RGL1: variants seen among roughly 807,000 people sequenced by gnomAD.
RGL1 encodes the protein ral guanine nucleotide dissociation stimulator like 1.
In RGL1, 24 loss-of-function variants were observed where a neutral mutation model predicts 95.2. The observed-to-expected ratio is 0.25, with a 90% confidence interval of 0.18 to 0.35. The LOEUF (loss-of-function observed/expected upper bound fraction) is 0.35. RGL1 is among the 10% of genes least tolerant of loss of function. The probability of loss-of-function intolerance (pLI) is 1.00; values close to 1 mark genes in which losing one functional copy is unlikely to be tolerated. For missense variants in RGL1, 715 were observed against 936.3 expected (o/e 0.76, Z 3.08); for synonymous variants, 329 against 344.9 (o/e 0.95, Z 0.51).
At chr1:183,784,771 T>C (rs1381713882) in intron 2 of RGL1, among the ~76,000 whole-genome samples, 1 of 152,138 alleles carries the variant, frequency 6.6e-6, no homozygotes, top group Non-Finnish European at 1.5e-5. Flanking sequence ...AATATCTTAA[T>C]TGGAGCTGTA....
intron 5 of RGL1, 76 bp downstream of exon 5, chr1:183,880,876 T>C (rs1666788482): frequency 1.4e-6 from 2 of 1,380,906 alleles, no homozygotes; most frequent in Non-Finnish European, 2.0e-6. Context: ...AGGTTCTCCC[T>C]GTGCTGGCTA....
At chr1:183,826,083 T>TC (rs1204738665) in intron 2 of RGL1, among the ~76,000 whole-genome samples, 1 of 150,360 alleles carries the variant, frequency 6.7e-6, no homozygotes, top group Non-Finnish European at 1.5e-5. Context: ...AGACGGAGTC[T>TC]CACTCTGTTG....
chr1:183,746,070 A>T (rs1416380733), intron 2 of RGL1, among the ~76,000 whole-genome samples: 1 of 149,774 alleles, frequency 6.7e-6, no homozygotes, highest in Non-Finnish European at 1.5e-5. Flanking sequence ...ATAGTATTTG[A>T]TACCTACAAA....
intron 1 of RGL1, among the ~76,000 whole-genome samples, chr1:183,639,323 C>T (rs988147908): frequency 4.7e-5 from 7 of 149,894 alleles, no homozygotes; most frequent in East Asian, 1.9e-4. Flanking sequence ...AATCCTGCAA[C>T]GTGACATTAT....
intron 1 of RGL1, among the ~76,000 whole-genome samples, chr1:183,700,367 T>A (rs1402083803): frequency 6.6e-6 from 1 of 152,072 alleles, no homozygotes; most frequent in Non-Finnish European, 1.5e-5. Context: ...ATCATAAATA[T>A]GGGATCTCAC....
intron 1 of RGL1, among the ~76,000 whole-genome samples, chr1:183,732,766 T>C (rs918333044): frequency 1.3e-5 from 2 of 152,148 alleles, no homozygotes; most frequent in Non-Finnish European, 2.9e-5. Flanking sequence ...ATATTTGCAA[T>C]TTTAAAGAAA....
intron 2 of RGL1, among the ~76,000 whole-genome samples, chr1:183,782,951 C>T (rs1022964857): frequency 5.3e-5 from 8 of 152,178 alleles, no homozygotes; most frequent in African/African-American, 1.9e-4. Flanking sequence ...CCACCTTAAT[C>T]ATAAACAGAA....
Position 183,900,654 on chromosome 1 carries a change from A to G in RGL1, c.1317+418A>G, listed in dbSNP as rs1667962758. On this transcript the variant is annotated intron_variant, in intron 11 of 17. Coordinates refer to ENST00000360851, the MANE Select transcript of RGL1 (RefSeq NM_001297671.3). ...CAAGTAGCTGGGATTACAGGCGTGCACCACCACGCCCAGCTAATTTTTTGT... is the reference window on the plus strand; with the variant it reads ...CAAGTAGCTGGGATTACAGGCGTGCGCCACCACGCCCAGCTAATTTTTTGT... Among the ~76,000 whole-genome samples the G allele has an allele frequency of 2.6e-5, 4 of 151,952 alleles. No homozygotes were observed. The South Asian group carries it at 8.3e-4, about 32-fold the overall frequency.
chr1:183,732,438 C>T (rs967924959), intron 1 of RGL1, among the ~76,000 whole-genome samples: 2 of 152,070 alleles, frequency 1.3e-5, no homozygotes, highest in South Asian at 2.1e-4. Flanking sequence ...AAACTAAAGC[C>T]GACACCCAAC....
rs1166475669 is a variant in RGL1, at chr1:183,907,212, G to T, written c.1562+111G>T. On this transcript the variant is annotated intron_variant, in intron 14 of 17. Transcript: ENST00000360851. ...CCAGGGTGAAAGTGAAGAGCACTCC[G>T]CTCATTTGTTAAGCCGTTTATCCTT... The T allele has an allele frequency of 8.9e-6, 6 of 677,620 alleles. No individual in the cohort carries two copies. The East Asian group carries it at 1.6e-4, about 18-fold the overall frequency. 42.0% of individuals were successfully genotyped at this position (677,620 alleles called of 1,614,324 possible). A position where few individuals can be genotyped will look rare whatever the true frequency, so the allele number is the denominator to read the frequency against.
At chr1:183,804,948 T>C (rs1298151824), upstream of RGL1, among the ~76,000 whole-genome samples, 1 of 152,210 alleles carries the variant, frequency 6.6e-6, no homozygotes, top group African/African-American at 2.4e-5. Context: ...CTTGAAAGTG[T>C]TGTTTCCCAA....
intron 2 of RGL1, among the ~76,000 whole-genome samples, chr1:183,782,678 A>AT (rs1249556762): frequency 6.6e-6 from 1 of 152,130 alleles, no homozygotes; most frequent in African/African-American, 2.4e-5. Flanking sequence ...TAATTATTTT[A>AT]TTTTTGTTGG....
chr1:183,828,245 T>G (rs1663009162), intron 2 of RGL1, among the ~76,000 whole-genome samples: 1 of 152,236 alleles, frequency 6.6e-6, no homozygotes, highest in African/African-American at 2.4e-5. Flanking sequence ...CTTTATCCTG[T>G]TAATATGCAA....
chr1:183,826,027 A>ATCAATCAG (rs1553290730), intron 2 of RGL1, among the ~76,000 whole-genome samples: 13 of 140,030 alleles, frequency 9.3e-5, no homozygotes, highest in Non-Finnish European at 1.1e-4. Flanking sequence ...CAATCAATCA[A>ATCAATCAG]TCAATCGCAA....
intron 2 of RGL1, among the ~76,000 whole-genome samples, chr1:183,752,802 A>C (rs1232783304): frequency 2.0e-5 from 3 of 151,344 alleles, no homozygotes; most frequent in Non-Finnish European, 4.4e-5. Flanking sequence ...CTTTGAGTAC[A>C]TTGGAAATTT....
chr1:183,740,092 C>T (rs1657196534), intron 1 of RGL1, among the ~76,000 whole-genome samples: 1 of 152,162 alleles, frequency 6.6e-6, no homozygotes, highest in Non-Finnish European at 1.5e-5. Flanking sequence ...GTATTATCTC[C>T]AATAACAACA....
chr1:183,925,447 C>T (rs1449881884), intron 17 of RGL1, among the ~76,000 whole-genome samples: 2 of 152,066 alleles, frequency 1.3e-5, no homozygotes, highest in African/African-American at 4.8e-5. Context: ...ATGTAACAAA[C>T]CTGAACATTC....
At chr1:183,876,279 A>C (rs1666491389) in intron 4 of RGL1, among the ~76,000 whole-genome samples, 1 of 152,278 alleles carries the variant, frequency 6.6e-6, no homozygotes, top group South Asian at 2.1e-4. Flanking sequence ...AAGCTGCTTT[A>C]GTATGTTTCA....
At position 183,670,183 on chromosome 1, in the gene RGL1, G is replaced by A. The variant is rs1162326880; in HGVS notation, c.-33+33682G>A. Reference sequence around the variant, plus strand: ...CCCACTCCCACACTTTACATGGGAAGGAATGACTTAGAAGGGGTTGGAATT... The same window carrying A: ...CCCACTCCCACACTTTACATGGGAAAGAATGACTTAGAAGGGGTTGGAATT... On this transcript the variant is annotated intron_variant, in intron 1 of 18. Transcript: ENST00000304685. Among the ~76,000 whole-genome samples the A allele has an allele frequency of 2.0e-5, 3 of 152,184 alleles. 1 individual carries two copies. The highest frequency in any genetic ancestry group is 4.4e-5 in the Non-Finnish European group (3 of 68,042).
Sources: allele counts gnomAD v4.1 joint callset (sites outside exome capture counted in the v4.1 genomes callset), GRCh38; gene constraint gnomAD v4.1.1; transcripts MANE v1.5; gene names NCBI Gene and HGNC (gene_info 2026-07-23, HGNC 2026-07-21).